The following SAAL1 variants were observed in gnomAD, a reference collection of about 807,000 sequenced individuals.
The protein encoded by SAAL1 is protein SAAL1.
A neutral mutation model predicts 59.8 loss-of-function variants in SAAL1; 42 were observed. The ratio of observed to expected loss-of-function variants is 0.70; its 90% CI spans 0.55 to 0.91. The LOEUF is 0.91. Ranked by LOEUF, SAAL1 falls within the 40% of genes least tolerant of loss-of-function variation. SAAL1 has a pLI of 0.00. For synonymous variants in SAAL1, 191 were observed against 194.3 expected (o/e 0.98, Z 0.14); for missense variants, 542 against 561.1 (o/e 0.97, Z 0.34).
Position 18,096,815 on chromosome 11 carries a change from T to G in SAAL1, c.289A>C (p.Ile97Leu). Residue 97 changes from isoleucine (I) to leucine (L), a missense_variant, in exon 3 of 12, where the codon ATA (isoleucine) becomes CTA (leucine). Physicochemically the swap from Ile to Leu is conservative, Grantham distance 5. Coordinates refer to ENST00000524803, the MANE Select transcript of SAAL1 (RefSeq NM_138421.3). ...LFLQEFNAPD[I>L]FMGVLAKSKC... ...GACTTGGCCAGTACTCCCATGAATATATCAGGAGCATTAAATTCTTGGAGA... is the reference window on the plus strand; with the variant it reads ...GACTTGGCCAGTACTCCCATGAATAGATCAGGAGCATTAAATTCTTGGAGA... The G allele has an allele frequency of 6.3e-7, 1 of 1,584,186 alleles. No homozygotes were observed. Among genetic ancestry groups the G allele is most frequent in the East Asian group, 2.2e-5 (1 of 44,670 alleles).
chr11:18,083,468 A>G lies in SAAL1; in HGVS notation c.1239+67T>C, dbSNP rs1848431372. ...ATTACTTTCATATTTAAAAAAAAAT[A>G]AAGTTTGAAGCGTTAAGCAACCCAC... On this transcript the variant is annotated intron_variant, in intron 10 of 11. Coordinates refer to ENST00000524803, the MANE Select transcript of SAAL1 (RefSeq NM_138421.3). The G allele has an allele frequency of 1.1e-5, 9 of 836,686 alleles. No individual in the cohort carries two copies. The South Asian group carries it at 2.0e-4, about 18-fold the overall frequency. 51.8% of individuals were successfully genotyped at this position (836,686 alleles called of 1,614,324 possible).
chr11:18,087,099 C>T (rs1848472459), intron 8 of SAAL1, 44 bp downstream of exon 8: 1 of 1,598,636 alleles, frequency 6.3e-7, no homozygotes. Context: ...AATCAGCAAA[C>T]AATTAAATGA....
intron 3 of SAAL1, 71 bp from the exon 4 acceptor site, chr11:18,092,395 C>T (rs1848531540): frequency 1.9e-6 from 2 of 1,034,612 alleles, no homozygotes; most frequent in Non-Finnish European, 3.0e-6. Context: ...TCAACTTGAA[C>T]AAAAACTTTC....
Position 18,098,560 on chromosome 11 carries a change from T to C in SAAL1, c.250-1706A>G, listed in dbSNP as rs556395605. On this transcript the variant is annotated intron_variant, in intron 2 of 11. Transcript: ENST00000524803. The stretch of plus-strand genomic sequence containing the variant: ...GCCTTAACTTAAAATATAAGCTGCA[T>C]GGCTTATGTGAAAATTAAGGGCCCT... Among the ~76,000 whole-genome samples, 17 of 152,348 alleles carry C rather than the reference T, an allele frequency of 1.1e-4. 1 individual carries two copies. In the South Asian group the frequency reaches 3.5e-3, roughly 32 times the overall value.
At chr11:18,105,835 G>C (rs1347982538) in intron 1 of SAAL1, 72 bp downstream of exon 1, 1 of 1,466,784 alleles carries the variant, frequency 6.8e-7, no homozygotes, top group Non-Finnish European at 9.0e-7. Flanking sequence ...GGGGCAGGAG[G>C]ATTCGCCAGA....
chr11:18,093,830 G>A (rs1325514441), intron 3 of SAAL1: 1 of 152,230 alleles, frequency 6.6e-6, no homozygotes. Flanking sequence ...GGAAAAGGAT[G>A]AAGCTGAGGA....
At chr11:18,087,294 T>G (rs1389622952) in intron 7 of SAAL1, 69 bp from the exon 8 acceptor site, 9 of 950,876 alleles carry the variant, frequency 9.5e-6, no homozygotes, top group Non-Finnish European at 1.3e-5. Context: ...CATTCCTCCA[T>G]TCAATAAATA....
At chr11:18,086,416 A>G (rs1848463831) in intron 9 of SAAL1, among the ~76,000 whole-genome samples, 1 of 151,548 alleles carries the variant, frequency 6.6e-6, no homozygotes, top group Non-Finnish European at 1.5e-5. Flanking sequence ...ATAAGTAAAC[A>G]GGCCAGGTGG....
intron 10 of SAAL1, among the ~76,000 whole-genome samples, chr11:18,082,426 AAACC>A (rs1848420690): frequency 2.6e-5 from 4 of 152,214 alleles, no homozygotes; most frequent in Admixed American, 1.3e-4. Context: ...GCGTCAAGTA[AAACC>A]AACATTTTCA....
chr11:18,092,117 T>C (rs2134060269), intron 4 of SAAL1, 128 bp downstream of exon 4: 1 of 564,084 alleles, frequency 1.8e-6, no homozygotes, highest in Admixed American at 3.4e-5. Context: ...ACAATGAAGT[T>C]CCCACAGAGT....
At chr11:18,096,257 T>C (rs1848574792) in intron 3 of SAAL1, among the ~76,000 whole-genome samples, 1 of 152,014 alleles carries the variant, frequency 6.6e-6, no homozygotes, top group Admixed American at 6.5e-5. Context: ...ATTTTCATAA[T>C]TTTAAATTAT....
intron 11 of SAAL1, 21 bp downstream of exon 11, chr11:18,081,390 T>C (rs1848408076): frequency 1.3e-6 from 2 of 1,570,234 alleles, no homozygotes; most frequent in East Asian, 4.5e-5. Flanking sequence ...TGGCCACCTA[T>C]ATACATTTAC....
chr11:18,088,459 T>C lies in SAAL1; in HGVS notation c.770+871A>G, dbSNP rs547037511. Among the ~76,000 whole-genome samples the C allele has an allele frequency of 2.9e-4, 44 of 152,232 alleles. No homozygotes were observed. The South Asian group carries it at 8.7e-3, about 30-fold the overall frequency. On this transcript the variant is annotated intron_variant, in intron 7 of 11. Transcript: ENST00000524803. ...CATGAGAGTGAAATGAGTGCGTACT[T>C]TGCAAAAACAGCTTTAAAGTCTAGG... is the stretch of plus-strand genomic sequence containing the variant.
chr11:18,089,450 A>G lies in SAAL1; in HGVS notation c.650T>C (p.Leu217Pro), dbSNP rs1377342528. The change falls in exon 7 of 12, where the codon CTA becomes CCA. Residue 217 changes from leucine (L) to proline (P), a missense_variant. Transcript: ENST00000524803. ...VDKLFDLDEKLMLEWVRNGAA... is the reference protein window; with the variant it reads ...VDKLFDLDEKPMLEWVRNGAA... ...CCCATTTCTGACCCATTCTAACATTAGTTTCTCATCCAAATCAAAGAGCTT... is the reference window on the plus strand; with the variant it reads ...CCCATTTCTGACCCATTCTAACATTGGTTTCTCATCCAAATCAAAGAGCTT... 6.2e-7 allele frequency: 1 copy of G among 1,612,800 alleles called. No homozygotes were observed. Among genetic ancestry groups the G allele is most frequent in the Non-Finnish European group, 8.5e-7 (1 of 1,179,592 alleles).
In SAAL1 at chr11:18,103,301, GCTC is replaced by G. The variant is rs1848652981; in HGVS notation, c.178_180del (p.Glu60del). 1.2e-6 allele frequency: 2 copies of G among 1,613,916 alleles called. No individual in the cohort carries two copies. Among genetic ancestry groups the G allele is most frequent in the Non-Finnish European group, 1.7e-6 (2 of 1,179,964 alleles). On this transcript the variant is annotated inframe_deletion, in exon 2 of 12. Transcript: ENST00000524803. ...ATTTCTTCATCAAGCTCCGTCAGCT[GCTC>G]CTCATCATCTGAGCTAGATTTGGTG... is the stretch of plus-strand genomic sequence containing the variant.
chr11:18,088,413 A>T (rs1199698989), intron 7 of SAAL1, among the ~76,000 whole-genome samples: 1 of 152,164 alleles, frequency 6.6e-6, no homozygotes, highest in Admixed American at 6.6e-5. Context: ...ATCCTAAGGA[A>T]GGCAACTGAA....
In SAAL1 at chr11:18,089,264, T is replaced by C. The variant is rs1268902067; in HGVS notation, c.770+66A>G. 2.9e-6 allele frequency: 4 copies of C among 1,377,280 alleles called. No homozygotes were observed. In the Admixed American group the frequency reaches 7.7e-5, roughly 26 times the overall value. The allele number at this position is 1,377,280 out of a possible 1,614,324, so 85.3% of individuals were successfully genotyped here. The stretch of plus-strand genomic sequence containing the variant: ...GTTGTAAGGAATATAAGAAGACTTT[T>C]ATATCTGAGAATACTTCTAGCAATT... On this transcript the variant is annotated intron_variant, in intron 7 of 11. Coordinates refer to ENST00000524803, the MANE Select transcript of SAAL1 (RefSeq NM_138421.3).
At position 18,089,492 on chromosome 11, in the gene SAAL1, A is replaced by G; in HGVS notation, c.608T>C (p.Val203Ala). ...SSTNVDLLVKVGEVVDKLFDL... is the reference protein window; with the variant it reads ...SSTNVDLLVKAGEVVDKLFDL... ...AAAGAGCTTGTCCACAACCTCCCCC[A>G]CCTTCACCAGCAAGTCAACTGCAGA... Residue 203 changes from valine (V) to alanine (A), a missense_variant, in exon 7 of 12, where the codon GTG (valine) becomes GCG (alanine). Physicochemically the swap from Val to Ala is moderately conservative, Grantham distance 64. Coordinates refer to ENST00000524803, the MANE Select transcript of SAAL1 (RefSeq NM_138421.3). The G allele has an allele frequency of 6.2e-7, 1 of 1,611,120 alleles. No homozygotes were observed. The highest frequency in any genetic ancestry group is 8.5e-7 in the Non-Finnish European group (1 of 1,179,186).
chr11:18,082,589 G>A (rs74637281), intron 10 of SAAL1, among the ~76,000 whole-genome samples: 4,191 of 148,486 alleles, frequency 0.028, 195 homozygotes, highest in African/African-American at 0.11. Context: ...AGGGAAGCAA[G>A]ACAACTAATA....
Sources: allele counts gnomAD v4.1 joint callset (sites outside exome capture counted in the v4.1 genomes callset), GRCh38; gene constraint gnomAD v4.1.1; transcripts MANE v1.5; gene names NCBI Gene and HGNC (gene_info 2026-07-23, HGNC 2026-07-21).